The following GPHN variants were observed in gnomAD, a reference collection of about 807,000 sequenced individuals.
The protein encoded by GPHN is gephyrin.
In GPHN, 17 loss-of-function variants were observed where a neutral mutation model predicts 95.5. The ratio of observed to expected loss-of-function variants is 0.18; its 90% confidence interval spans 0.12 to 0.27. GPHN has a LOEUF of 0.27. Among genes scored for constraint, GPHN ranks in the 10% least tolerant of loss-of-function variants. The probability of loss-of-function intolerance (pLI) is 1.00; values close to 1 mark genes in which losing one functional copy is unlikely to be tolerated. For synonymous variants in GPHN, 320 were observed against 322.5 expected (o/e 0.99, Z 0.08); for missense variants, 660 against 978.1 (o/e 0.67, Z 4.34).
chr14:67,082,526 T>G (rs2076731684), intron 11 of GPHN, among the ~76,000 whole-genome samples: 1 of 152,210 alleles, frequency 6.6e-6, no homozygotes, highest in Non-Finnish European at 1.5e-5. Context: ...CTGTTTTGAT[T>G]ACTGTGGCTT....
the GPHN span, chr14:67,582,033 C>T: frequency 1.3e-6 from 2 of 1,587,924 alleles, no homozygotes; most frequent in South Asian, 1.1e-5. The surrounding 1 kb of genome is among the most constrained non-coding windows in gnomAD (Gnocchi z 5.0). Flanking sequence ...TTTGGAATCC[C>T]TGCTGAGTCC....
At chr14:67,305,659 A>G in the GPHN span, among the ~76,000 whole-genome samples, 2 of 152,188 alleles carry the variant, frequency 1.3e-5, no homozygotes, top group Non-Finnish European at 2.9e-5. Flanking sequence ...CATTTTTTTC[A>G]TGGATAGAAT....
At chr14:66,617,569 C>A (rs2063103075) in intron 1 of GPHN, among the ~76,000 whole-genome samples, 1 of 152,132 alleles carries the variant, frequency 6.6e-6, no homozygotes, top group Non-Finnish European at 1.5e-5. Flanking sequence ...AACCTGGATA[C>A]CTTAATTGCT....
the GPHN span, among the ~76,000 whole-genome samples, chr14:67,716,895 A>G: frequency 6.6e-6 from 1 of 152,110 alleles, no homozygotes; most frequent in Admixed American, 6.5e-5. Context: ...AAAAAAAAAA[A>G]AAGAATTTTA....
chr14:66,529,814 A>G (rs1810150445), intron 1 of GPHN, among the ~76,000 whole-genome samples: 1 of 152,092 alleles, frequency 6.6e-6, no homozygotes, highest in Admixed American at 6.5e-5. Flanking sequence ...AATGGTAAAG[A>G]TTGCTACCTG....
chr14:67,055,669 A>G (rs184224392), intron 10 of GPHN, among the ~76,000 whole-genome samples: 5 of 152,350 alleles, frequency 3.3e-5, no homozygotes, highest in Admixed American at 3.3e-4. Context: ...CCTATCAATG[A>G]TAGACTGGAT....
intron 1 of GPHN, among the ~76,000 whole-genome samples, chr14:66,610,744 C>T (rs977666385): frequency 1.3e-5 from 2 of 152,180 alleles, no homozygotes; most frequent in East Asian, 1.9e-4. Context: ...GAGAGAGACT[C>T]ACAATACAAC....
chr14:66,844,659 C>A (rs2062243850), intron 4 of GPHN, among the ~76,000 whole-genome samples: 1 of 151,944 alleles, frequency 6.6e-6, no homozygotes, highest in Non-Finnish European at 1.5e-5. Flanking sequence ...TAAAATTTGT[C>A]AGTGTGAAGA....
At chr14:67,623,987 C>T in the GPHN span, among the ~76,000 whole-genome samples, 1 of 152,132 alleles carries the variant, frequency 6.6e-6, no homozygotes, top group Non-Finnish European at 1.5e-5. Context: ...ACTACAGACA[C>T]ATGCCAGTAT....
chr14:67,225,801 G>A, the GPHN span, among the ~76,000 whole-genome samples: 2 of 152,138 alleles, frequency 1.3e-5, no homozygotes, highest in Admixed American at 6.5e-5. Flanking sequence ...TCTGCAGTGC[G>A]TTGCTGAAAA....
chr14:66,891,441 A>T (rs2064495455), intron 5 of GPHN, among the ~76,000 whole-genome samples: 1 of 152,118 alleles, frequency 6.6e-6, no homozygotes, highest in African/African-American at 2.4e-5. Context: ...TTGGATATCC[A>T]CTTGCCAAAG....
At chr14:67,460,431 G>A in the GPHN span, among the ~76,000 whole-genome samples, 3 of 152,168 alleles carry the variant, frequency 2.0e-5, no homozygotes, top group South Asian at 2.1e-4. Flanking sequence ...TCTGCCAGGC[G>A]CAGTGGCTCA....
At chr14:67,572,162 A>G in the GPHN span, 2 of 1,607,726 alleles carry the variant, frequency 1.2e-6, no homozygotes, top group Non-Finnish European at 8.5e-7. Flanking sequence ...CTGAGCTCCG[A>G]GGGTGACTAC....
rs186481688 is a variant in GPHN at position 66,787,962 on chromosome 14, C to G, written c.201+11441C>G. Among the ~76,000 whole-genome samples, 236 of 151,674 alleles carry G rather than the reference C, an allele frequency of 1.6e-3. 1 individual carries two copies. The highest frequency in any genetic ancestry group is 9.4e-3 in the South Asian group (45 of 4,806). On this transcript the variant is annotated intron_variant, in intron 3 of 22. Coordinates refer to ENST00000478722, the MANE Select transcript of GPHN (RefSeq NM_020806.5). ...GGCCTTAGACTCAACACAAAAAGCA[C>G]GGTTCATACAATGTAAATTTCACAA...
At chr14:67,593,749 A>G in the GPHN span, 1 of 1,600,540 alleles carries the variant, frequency 6.2e-7, no homozygotes, top group Non-Finnish European at 8.6e-7. Context: ...TTACCATGTA[A>G]ATGGCCTCAT....
At chr14:66,798,989 C>A (rs534176522) in intron 3 of GPHN, among the ~76,000 whole-genome samples, 1 of 151,862 alleles carries the variant, frequency 6.6e-6, no homozygotes, top group Non-Finnish European at 1.5e-5. Flanking sequence ...TTTGCTGTAT[C>A]CCATAGGTTT....
chr14:67,604,870 C>G, the GPHN span, among the ~76,000 whole-genome samples: 1 of 151,976 alleles, frequency 6.6e-6, no homozygotes, highest in African/African-American at 2.4e-5. Context: ...AAAAGACTAC[C>G]CTTCCCCCCT....
chr14:67,121,147 T>C (rs1264651006), intron 16 of GPHN, among the ~76,000 whole-genome samples: 1 of 152,194 alleles, frequency 6.6e-6, no homozygotes, highest in Non-Finnish European at 1.5e-5. Flanking sequence ...TTTTCTCACT[T>C]CAAGTAAGTA....
At chr14:67,445,574 A>ATTTTTTTTTTTTTTTTTT in the GPHN span, among the ~76,000 whole-genome samples, 4 of 98,678 alleles carry the variant, frequency 4.1e-5, no homozygotes, top group Non-Finnish European at 6.1e-5. Flanking sequence ...AAGAGAGGCA[A>ATTTTTTTTTTTTTTTTTT]TTCTTTTTTT....
Sources: gnomAD v4.1 joint callset for allele counts (sites outside exome capture counted in the v4.1 genomes callset) on GRCh38, gnomAD v4.1.1 for gene constraint, Gnocchi (gnomAD v3.1) non-coding constraint, MANE v1.5 for transcripts, NCBI Gene and HGNC (gene_info 2026-07-23, HGNC 2026-07-21) for gene names.